CC2D2B: variants seen among roughly 807,000 people sequenced by gnomAD.
CC2D2B encodes coiled-coil and C2 domain containing 2B.
In CC2D2B, 128 loss-of-function variants were observed where a neutral mutation model predicts 161.2. That is an observed-to-expected ratio of 0.79 (90% CI 0.69 to 0.92). The LOEUF (loss-of-function observed/expected upper bound fraction) is 0.92. Ranked by LOEUF, CC2D2B falls within the 40% of genes least tolerant of loss-of-function variation. CC2D2B has a pLI of 0.00. For missense variants in CC2D2B, 1,173 were observed against 1,375.1 expected, an observed-to-expected ratio of 0.85 and a Z score of 2.32; for synonymous variants, 391 against 449.8, an observed-to-expected ratio of 0.87 and a Z score of 1.65.
At chr10:95,940,605 C>A (rs2075988064) in intron 9 of CC2D2B, among the ~76,000 whole-genome samples, 1 of 152,064 alleles carries the variant, frequency 6.6e-6, no homozygotes, top group African/African-American at 2.4e-5. Context: ...TTCATTTCAT[C>A]CACATGGATA....
chr10:95,927,003 C>G (rs1361928732), intron 5 of CC2D2B, among the ~76,000 whole-genome samples: 1 of 152,070 alleles, frequency 6.6e-6, no homozygotes, highest in Admixed American at 6.6e-5. Flanking sequence ...GGAGAAGATT[C>G]TGGCTGTATA....
At chr10:95,944,574 G>A (rs2076132273) in intron 9 of CC2D2B, among the ~76,000 whole-genome samples, 1 of 152,186 alleles carries the variant, frequency 6.6e-6, no homozygotes, top group Non-Finnish European at 1.5e-5. Flanking sequence ...GCTTTTAGGA[G>A]AGAGGCCTTT....
At chr10:95,951,520 A>G (rs1478159752) in intron 10 of CC2D2B, among the ~76,000 whole-genome samples, 1 of 152,216 alleles carries the variant, frequency 6.6e-6, no homozygotes, top group Admixed American at 6.5e-5. Context: ...ACCATGCATT[A>G]GCAATATCAG....
chr10:95,931,663 T>C (rs1002175074), intron 6 of CC2D2B, among the ~76,000 whole-genome samples: 3 of 152,198 alleles, frequency 2.0e-5, no homozygotes, highest in African/African-American at 7.2e-5. Context: ...CAGGAGCAGG[T>C]TGTTCAGTTT....
intron 26 of CC2D2B, 66 bp from the exon 27 acceptor site, chr10:96,012,119 G>T (rs1371862433): frequency 1.8e-6 from 1 of 561,796 alleles, no homozygotes; most frequent in East Asian, 3.1e-5. Flanking sequence ...ACTCTGCTGG[G>T]CCTAAATATT....
chr10:95,973,862 A>T, intron 16 of CC2D2B, 147 bp from the exon 17 acceptor site: 2 of 106,182 alleles, frequency 1.9e-5, no homozygotes, highest in Non-Finnish European at 3.7e-5. Context: ...ACTCTGTCTC[A>T]AAAAAAAAAA....
At chr10:95,986,753 T>G (rs11188543) in intron 19 of CC2D2B, among the ~76,000 whole-genome samples, 2 of 151,674 alleles carry the variant, frequency 1.3e-5, no homozygotes, top group Admixed American at 6.6e-5. Context: ...TGCGCTGTCA[T>G]GCCTGGCTAA....
intron 2 of CC2D2B, chr10:95,918,863 G>A (rs2098521456): frequency 1.3e-5 from 2 of 151,928 alleles, no homozygotes; most frequent in Non-Finnish European, 2.9e-5. Context: ...CAAGCTTACT[G>A]ATTCTTTCTT....
At chr10:95,940,758 A>G (rs962272416) in intron 9 of CC2D2B, among the ~76,000 whole-genome samples, 1 of 152,208 alleles carries the variant, frequency 6.6e-6, no homozygotes, top group East Asian at 1.9e-4. Context: ...TCCCATGTTC[A>G]TGGGTTAGAG....
In CC2D2B at chr10:95,971,388, C is replaced by CAA. The variant is rs200214465; in HGVS notation, c.1645-663_1645-662dup. On this transcript the variant is annotated intron_variant, in intron 15 of 34. Transcript: ENST00000646931. The stretch of plus-strand genomic sequence containing the variant: ...TGGGCAACAGAGCAAGACTCAACCT[C>CAA]AAAAAAAAAAAAAAAAGAAAGAAAA... Among the ~76,000 whole-genome samples the CAA allele has an allele frequency of 1.1e-3, 111 of 99,576 alleles. 1 individual carries two copies. The highest frequency in any genetic ancestry group is 3.2e-3 in the South Asian group (10 of 3,160). The allele number at this position is 99,576 out of a possible 152,430, so 65.3% of individuals were successfully genotyped here.
At chr10:95,995,782 A>G (rs753253749) in intron 23 of CC2D2B, among the ~76,000 whole-genome samples, 2 of 152,234 alleles carry the variant, frequency 1.3e-5, no homozygotes, top group African/African-American at 2.4e-5. Flanking sequence ...TGTTTTCTCC[A>G]TGATGCTCTC....
chr10:95,920,668 C>T (rs920197687), intron 2 of CC2D2B: 1 of 152,128 alleles, frequency 6.6e-6, no homozygotes, highest in Non-Finnish European at 1.5e-5. Context: ...GAAGCCAGCA[C>T]AATACTGGGT....
At chr10:95,959,484 A>G (rs190950898) in intron 11 of CC2D2B, among the ~76,000 whole-genome samples, 15 of 152,314 alleles carry the variant, frequency 9.8e-5, no homozygotes, top group South Asian at 2.1e-4. Flanking sequence ...AATAAAAGAA[A>G]AAGAGGCTAC....
Position 95,996,236 on chromosome 10 carries a change from A to G in CC2D2B, c.2833A>G (p.Ile945Val), listed in dbSNP as rs531442066. Reference sequence around the variant, plus strand: ...ATCTCATCCATGCTGGAATGAAGAAATTAAAGTAGATTTTGTGTAAGTTGG... The same window carrying G: ...ATCTCATCCATGCTGGAATGAAGAAGTTAAAGTAGATTTTGTGTAAGTTGG... ...SGSHPCWNEE[I>V]KVDFVSPGHD... is the part of the protein sequence containing the mutation. The change falls in exon 24 of 35, where the codon ATT (isoleucine) becomes GTT (valine). Residue 945 changes from isoleucine (I) to valine (V), a missense_variant. Ile to Val is a conservative substitution (Grantham distance 29). Around this residue, in one of 3 missense-constraint regions of CC2D2B, gnomAD observed 598 missense variants for 693.2 expected, o/e 0.86. Coordinates refer to ENST00000646931, the MANE Select transcript of CC2D2B (RefSeq NM_001349008.3). 13 of 1,445,866 alleles carry G rather than the reference A, an allele frequency of 9.0e-6. No individual in the cohort carries two copies. In the African/African-American group the frequency reaches 1.1e-4, roughly 12 times the overall value. The allele number at this position is 1,445,866 out of a possible 1,614,324, so 89.6% of individuals were successfully genotyped here.
At chr10:95,951,527 T>C (rs2076399849) in intron 10 of CC2D2B, among the ~76,000 whole-genome samples, 1 of 152,190 alleles carries the variant, frequency 6.6e-6, no homozygotes, top group African/African-American at 2.4e-5. Flanking sequence ...ATTAGCAATA[T>C]CAGAAGATTT....
At position 95,938,842 on chromosome 10, in the gene CC2D2B, A is replaced by G. The variant is rs2075920339; in HGVS notation, c.718A>G (p.Thr240Ala). Residue 240 changes from threonine to alanine, a missense_variant, in exon 9 of 35, where the codon ACA becomes GCA. Around this residue, in one of 3 missense-constraint regions of CC2D2B, gnomAD observed 298 missense variants for 261.2 expected, o/e 1.14. Coordinates refer to ENST00000646931, the MANE Select transcript of CC2D2B (RefSeq NM_001349008.3). ...GESGEIMSLPTPIKQSWNFRL... is the reference protein window; with the variant it reads ...GESGEIMSLPAPIKQSWNFRL... Reference sequence around the variant, plus strand: ...AAGTGGAGAAATAATGTCATTACCTACACCTATTAAACAGTCATGGAATTT... The same window carrying G: ...AAGTGGAGAAATAATGTCATTACCTGCACCTATTAAACAGTCATGGAATTT... 4.2e-6 allele frequency: 3 copies of G among 715,158 alleles called. No homozygotes were observed. Among genetic ancestry groups the G allele is most frequent in the Non-Finnish European group, 7.8e-6 (3 of 384,232 alleles). The allele number at this position is 715,158 out of a possible 1,614,324, so 44.3% of individuals were successfully genotyped here. A position where few individuals can be genotyped will look rare whatever the true frequency, so the allele number is the denominator to read the frequency against.
chr10:96,017,089 G>T (rs946771925), intron 30 of CC2D2B, among the ~76,000 whole-genome samples: 1 of 152,182 alleles, frequency 6.6e-6, no homozygotes, highest in Non-Finnish European at 1.5e-5. Context: ...CCATTGCTGA[G>T]GTTTTAATCT....
At chr10:96,000,503 A>G (rs1224160282) in intron 24 of CC2D2B, among the ~76,000 whole-genome samples, 2 of 152,126 alleles carry the variant, frequency 1.3e-5, no homozygotes, top group East Asian at 3.9e-4. Flanking sequence ...AGCTGGGACT[A>G]CAGGTGCCTG....
intron 25 of CC2D2B, among the ~76,000 whole-genome samples, chr10:96,006,984 C>T (rs916538263): frequency 2.0e-5 from 3 of 152,104 alleles, no homozygotes; most frequent in Admixed American, 6.5e-5. Context: ...TTCATTGCTT[C>T]TCAGAGAGGA....
Sources: gnomAD v4.1 joint callset for allele counts (sites outside exome capture counted in the v4.1 genomes callset) on GRCh38, gnomAD v4.1.1 for gene constraint, gnomAD v4.1.1 regional missense constraint, MANE v1.5 for transcripts, NCBI Gene and HGNC (gene_info 2026-07-23, HGNC 2026-07-21) for gene names.